CFAP47: variants seen among roughly 807,000 people sequenced by gnomAD.
The protein encoded by CFAP47 is cilia- and flagella-associated protein 47.
A neutral mutation model predicts 148.1 loss-of-function variants in CFAP47; 29 were observed. The observed-to-expected ratio is 0.20, with a 90% CI of 0.15 to 0.27. The LOEUF (loss-of-function observed/expected upper bound fraction) is 0.27. Ranked by LOEUF, CFAP47 falls within the 10% of genes least tolerant of loss-of-function variation. The pLI is 1.00. For synonymous variants in CFAP47, 664 were observed against 577.3 expected, an observed-to-expected ratio of 1.15 and a Z score of -2.15; for missense variants, 1,872 against 1,697.5, an observed-to-expected ratio of 1.10 and a Z score of -1.81.
chrX:36,381,067 G>A (rs991177422), intron 63 of CFAP47, among the ~76,000 whole-genome samples: 1 of 111,811 alleles, frequency 8.9e-6, no homozygotes, highest in South Asian at 3.7e-4. Flanking sequence ...AGTTTGAAAC[G>A]TTTAAGAAAT....
chrX:36,022,348 C>T (rs778518256), intron 22 of CFAP47, among the ~76,000 whole-genome samples: 1 of 111,722 alleles, frequency 9.0e-6, no homozygotes, highest in Admixed American at 9.5e-5. Context: ...TGCTGCTAGA[C>T]ATGTTGGAGC....
At position 36,036,728 on chromosome X, in the gene CFAP47, C is replaced by T. The variant is rs189648307; in HGVS notation, c.3811+874C>T. 7.3e-3 allele frequency among the ~76,000 whole-genome samples: 815 copies of T among 111,677 alleles called. 6 individuals are homozygous for T. The highest frequency in any genetic ancestry group is 0.025 in the African/African-American group (765 of 30,772). ...CACATGTGGTAATCTAGATAAAATA[C>T]CCACAACTGGCTCAGTTATCAGTAG... On this transcript the variant is annotated intron_variant, in intron 24 of 63. Coordinates refer to ENST00000378653, the MANE Select transcript of CFAP47 (RefSeq NM_001304548.2).
intron 51 of CFAP47, among the ~76,000 whole-genome samples, chrX:36,298,643 T>G (rs951045867): frequency 3.6e-5 from 4 of 111,490 alleles, no homozygotes; most frequent in Non-Finnish European, 7.5e-5. Flanking sequence ...ATTCCTAGAG[T>G]AAACACTGAA....
At chrX:35,954,952 A>G (rs1384283737) in intron 7 of CFAP47, among the ~76,000 whole-genome samples, 2 of 112,089 alleles carry the variant, frequency 1.8e-5, no homozygotes, top group African/African-American at 6.5e-5. Context: ...AACCTTGTTG[A>G]GAGGTTTCAC....
At chrX:35,991,205 C>G (rs763569682) in intron 16 of CFAP47, among the ~76,000 whole-genome samples, 31 of 110,952 alleles carry the variant, frequency 2.8e-4, no homozygotes, top group Admixed American at 7.7e-4. Flanking sequence ...ATTTATTGAG[C>G]CCCTACACTG....
intron 37 of CFAP47, among the ~76,000 whole-genome samples, chrX:36,152,513 T>C (rs1357238917): frequency 9.0e-6 from 1 of 111,497 alleles, no homozygotes; most frequent in Non-Finnish European, 1.9e-5. Context: ...GGAATGCCTA[T>C]TGGTTATGAC....
intron 29 of CFAP47, among the ~76,000 whole-genome samples, chrX:36,075,289 G>A (rs991883029): frequency 9.2e-5 from 10 of 108,596 alleles, no homozygotes; most frequent in Middle Eastern, 4.8e-3. Flanking sequence ...GTGTAGTGGC[G>A]CAATCTCGGC....
At chrX:36,245,460 C>G (rs970999423) in intron 48 of CFAP47, among the ~76,000 whole-genome samples, 2 of 111,597 alleles carry the variant, frequency 1.8e-5, no homozygotes, top group Non-Finnish European at 3.8e-5. Context: ...CAAATGGCTC[C>G]AAGAAATGAT....
At chrX:36,056,978 C>G (rs980724849) in intron 26 of CFAP47, among the ~76,000 whole-genome samples, 1 of 112,150 alleles carries the variant, frequency 8.9e-6, no homozygotes, top group Non-Finnish European at 1.9e-5. Context: ...ATTTCTTACA[C>G]GTGTTACTCC....
intron 3 of CFAP47, among the ~76,000 whole-genome samples, chrX:35,943,040 A>G (rs1224561874): frequency 9.0e-6 from 1 of 111,515 alleles, no homozygotes; most frequent in African/African-American, 3.2e-5. Context: ...ACATGCTTGG[A>G]ATCAAATCAG....
Position 36,188,670 on chromosome X carries a change from C to A in CFAP47, c.6155C>A (p.Ser2052Tyr), listed in dbSNP as rs973723901. The A allele has an allele frequency of 6.8e-6, 2 of 295,527 alleles. No individual in the cohort carries two copies. The highest frequency in any genetic ancestry group is 5.5e-5 in the African/African-American group (2 of 36,305). 24.4% of individuals were successfully genotyped at this position (295,527 alleles called of 1,213,427 possible). ...GACACTGATCAGGGCTGTTCCGATT[C>A]CCCAAATGTCTTACATACCTGTGAG... The part of the protein sequence containing the change: ...GSDTDQGCSD[S>Y]PNVLHTSIKS... The change falls in exon 41 of 64, where the codon TCC (serine) becomes TAC (tyrosine). Residue 2052 changes from serine (S) to tyrosine (Y), a missense_variant. Physicochemically the swap from Ser to Tyr is moderately radical, Grantham distance 144 (BLOSUM62 -2). Transcript: ENST00000378653.
At chrX:36,183,300 C>G in intron 40 of CFAP47, among the ~76,000 whole-genome samples, 1 of 111,138 alleles carries the variant, frequency 9.0e-6, no homozygotes, top group Non-Finnish European at 1.9e-5. Flanking sequence ...GCCTAGGTGA[C>G]AGAGTGAGAC....
chrX:35,957,498 C>T (rs992923558), intron 8 of CFAP47, among the ~76,000 whole-genome samples: 4 of 111,989 alleles, frequency 3.6e-5, no homozygotes, highest in African/African-American at 1.3e-4. Flanking sequence ...CTTACTGCTT[C>T]ATTAGTATGA....
intron 8 of CFAP47, among the ~76,000 whole-genome samples, chrX:35,959,215 T>A (rs1396418773): frequency 8.9e-6 from 1 of 112,210 alleles, no homozygotes; most frequent in African/African-American, 3.2e-5. Context: ...TTTTACTATT[T>A]TTTTAATTGG....
At chrX:36,055,701 T>A (rs1937549493) in intron 26 of CFAP47, among the ~76,000 whole-genome samples, 1 of 112,490 alleles carries the variant, frequency 8.9e-6, no homozygotes, top group Non-Finnish European at 1.9e-5. Flanking sequence ...ATGGGATTGC[T>A]GCATCAAATG....
At chrX:36,375,266 C>T (rs1444558185) in intron 62 of CFAP47, 1 of 176,947 alleles carries the variant, frequency 5.7e-6, no homozygotes, top group African/African-American at 3.1e-5. Context: ...TTCTAATACG[C>T]CTTTTGATTT....
intron 30 of CFAP47, among the ~76,000 whole-genome samples, chrX:36,096,694 G>A (rs1275533691): frequency 1.8e-5 from 2 of 108,605 alleles, no homozygotes; most frequent in Non-Finnish European, 3.8e-5. Flanking sequence ...ATTAGCATGG[G>A]GTATCTTTTT....
chrX:36,021,451 C>T (rs1569234624), intron 22 of CFAP47, among the ~76,000 whole-genome samples: 1 of 110,514 alleles, frequency 9.0e-6, no homozygotes, highest in Non-Finnish European at 1.9e-5. Flanking sequence ...TACAGGCATG[C>T]ACCACCATGC....
intron 46 of CFAP47, among the ~76,000 whole-genome samples, chrX:36,235,557 C>G (rs917924219): frequency 8.9e-6 from 1 of 112,622 alleles, no homozygotes; most frequent in Non-Finnish European, 1.9e-5. Context: ...AACTCCCTGA[C>G]CTCTTGTGCT....
Sources: allele counts gnomAD v4.1 joint callset (sites outside exome capture counted in the v4.1 genomes callset), GRCh38; gene constraint gnomAD v4.1.1; transcripts MANE v1.5; gene names NCBI Gene and HGNC (gene_info 2026-07-23, HGNC 2026-07-21).